Variants in CELF4 observed in about 807,000 individuals in gnomAD.
CELF4 encodes the protein CUGBP Elav-like family member 4.
In CELF4, 18 loss-of-function variants were observed where a neutral mutation model predicts 59.9. The ratio of observed to expected loss-of-function variants is 0.30; its 90% CI spans 0.21 to 0.45. The LOEUF is 0.45. CELF4 is among the 20% of genes least tolerant of loss of function. The probability of loss-of-function intolerance (pLI) is 1.00; values close to 1 mark genes in which losing one functional copy is unlikely to be tolerated. For synonymous variants in CELF4, 261 were observed against 267.1 expected (o/e 0.98, Z 0.22); for missense variants, 456 against 689.0 (o/e 0.66, Z 3.79).
intron 2 of CELF4, among the ~76,000 whole-genome samples, chr18:37,343,260 C>A (rs147518483): frequency 6.6e-6 from 1 of 151,266 alleles, no homozygotes; most frequent in African/African-American, 2.4e-5. Flanking sequence ...CCTGTGTTTG[C>A]AGCAGTTTTG....
intron 2 of CELF4, among the ~76,000 whole-genome samples, chr18:37,350,083 C>T (rs2154553307): frequency 6.6e-6 from 1 of 152,216 alleles, no homozygotes; most frequent in East Asian, 1.9e-4. Context: ...AGGGACATGC[C>T]TGGGACAGAT....
At chr18:37,336,264 C>T (rs772287775) in intron 2 of CELF4, among the ~76,000 whole-genome samples, 8 of 152,216 alleles carry the variant, frequency 5.3e-5, no homozygotes, top group Non-Finnish European at 1.0e-4. Context: ...CACTCTGTCA[C>T]GCAGGCTGGA....
At chr18:37,342,090 C>G (rs2098068688) in intron 2 of CELF4, among the ~76,000 whole-genome samples, 1 of 152,076 alleles carries the variant, frequency 6.6e-6, no homozygotes, top group Non-Finnish European at 1.5e-5. Context: ...GGAGCTCATC[C>G]TTGGTGCCAC....
intron 2 of CELF4, among the ~76,000 whole-genome samples, chr18:37,376,790 G>T (rs2098974839): frequency 6.6e-6 from 1 of 152,208 alleles, no homozygotes; most frequent in South Asian, 2.1e-4. Context: ...GCCTGGCAAG[G>T]GTTGGGATCG....
intron 2 of CELF4, among the ~76,000 whole-genome samples, chr18:37,453,884 C>G (rs1475938494): frequency 1.3e-5 from 2 of 152,168 alleles, no homozygotes; most frequent in African/African-American, 2.4e-5. Context: ...TCCAGCAGGA[C>G]TCATGAACTC....
intron 2 of CELF4, among the ~76,000 whole-genome samples, chr18:37,450,279 G>A (rs1420790316): frequency 2.0e-5 from 3 of 152,052 alleles, no homozygotes; most frequent in South Asian, 2.1e-4. Flanking sequence ...CAGGCTGAGC[G>A]GTCCCATTGT....
At chr18:37,392,829 A>G (rs75250507) in intron 2 of CELF4, among the ~76,000 whole-genome samples, 7,934 of 152,290 alleles carry the variant, frequency 0.052, 302 homozygotes, top group Admixed American at 0.084. Flanking sequence ...CTGACACCAC[A>G]TCTCAAACAG....
chr18:37,272,313 T>G (rs1407703090), intron 7 of CELF4, among the ~76,000 whole-genome samples: 3 of 152,132 alleles, frequency 2.0e-5, no homozygotes, highest in African/African-American at 7.2e-5. Context: ...CCACTAGATT[T>G]CAGTAGCAAT....
intron 3 of CELF4, among the ~76,000 whole-genome samples, chr18:37,282,245 G>A (rs1025015616): frequency 1.8e-4 from 27 of 151,878 alleles, no homozygotes; most frequent in African/African-American, 5.8e-4. Context: ...GGACCACCAG[G>A]GACATCAAAC....
At chr18:37,347,302 G>A (rs1569567202) in intron 2 of CELF4, among the ~76,000 whole-genome samples, 1 of 152,094 alleles carries the variant, frequency 6.6e-6, no homozygotes, top group Non-Finnish European at 1.5e-5. Flanking sequence ...TGGTGACAGT[G>A]GCCACGAAGG....
chr18:37,405,105 C>G (rs2154586864), intron 2 of CELF4, among the ~76,000 whole-genome samples: 1 of 151,812 alleles, frequency 6.6e-6, no homozygotes, highest in South Asian at 2.1e-4. Context: ...CCCCCCGTGT[C>G]CTTTCCTTCA....
chr18:37,258,722 C>T (rs1021532440), intron 11 of CELF4, among the ~76,000 whole-genome samples: 5 of 152,156 alleles, frequency 3.3e-5, no homozygotes, highest in Admixed American at 2.6e-4. Context: ...CCAGGTGTCA[C>T]GCTCTGATTT....
chr18:37,482,060 C>T (rs2099868938), intron 2 of CELF4, among the ~76,000 whole-genome samples: 1 of 152,218 alleles, frequency 6.6e-6, no homozygotes, highest in Non-Finnish European at 1.5e-5. Context: ...CCACACTACC[C>T]ATTTTATAGT....
At chr18:37,470,801 C>A (rs1421951975) in intron 2 of CELF4, among the ~76,000 whole-genome samples, 1 of 147,810 alleles carries the variant, frequency 6.8e-6, no homozygotes, top group Non-Finnish European at 1.5e-5. Context: ...ATTTGCAACA[C>A]ATGGATCCCA....
intron 1 of CELF4, among the ~76,000 whole-genome samples, chr18:37,534,523 G>A (rs576655204): frequency 6.6e-6 from 1 of 152,272 alleles, no homozygotes. Flanking sequence ...CCAAGCAGCC[G>A]ACTTTCACTT....
At chr18:37,325,958 T>C (rs1445457375) in intron 2 of CELF4, among the ~76,000 whole-genome samples, 1 of 152,184 alleles carries the variant, frequency 6.6e-6, no homozygotes, top group African/African-American at 2.4e-5. Flanking sequence ...GTGTCAGTCT[T>C]GGTCGGGAAG....
chr18:37,371,675 A>AG (rs2098885854), intron 2 of CELF4, among the ~76,000 whole-genome samples: 1 of 152,188 alleles, frequency 6.6e-6, no homozygotes, highest in Non-Finnish European at 1.5e-5. Flanking sequence ...AGGAGCTGGG[A>AG]GGGGGCAATC....
intron 1 of CELF4, among the ~76,000 whole-genome samples, chr18:37,542,878 G>T (rs1308652483): frequency 6.6e-6 from 1 of 152,088 alleles, no homozygotes; most frequent in East Asian, 1.9e-4. Flanking sequence ...CCTGACCATT[G>T]CCTGGCTCTC....
At chr18:37,400,310 ATGTGTGTATATATGTATATG>A (rs1404597689) in intron 2 of CELF4, among the ~76,000 whole-genome samples, 1 of 125,870 alleles carries the variant, frequency 7.9e-6, no homozygotes, top group South Asian at 3.1e-4. Context: ...ACCTTTATAT[ATGTGTGTATATATGTATATG>A]TGTGTGTATG....
Sources: gnomAD v4.1 joint callset for allele counts (sites outside exome capture counted in the v4.1 genomes callset) on GRCh38, gnomAD v4.1.1 for gene constraint, MANE v1.5 for transcripts, NCBI Gene and HGNC (gene_info 2026-07-23, HGNC 2026-07-21) for gene names.